Variants in PDE10A observed in about 807,000 individuals in gnomAD.
PDE10A encodes cAMP and cAMP-inhibited cGMP 3',5'-cyclic phosphodiesterase 10A.
PDE10A carries 39 observed loss-of-function variants against 97.7 expected under a neutral mutation model. That is an observed-to-expected ratio of 0.40 (90% CI 0.31 to 0.52). The LOEUF (loss-of-function observed/expected upper bound fraction) is 0.52, where lower values mean the gene tolerates loss of function less well. Among genes scored for constraint, PDE10A ranks in the 20% least tolerant of loss-of-function variants. PDE10A has a pLI of 0.56. For missense variants in PDE10A, 731 were observed against 1,047.8 expected (o/e 0.70, Z 4.17); for synonymous variants, 371 against 376.8 (o/e 0.98, Z 0.18).
chr6:165,878,678 C>T (rs77684342), intron 1 of PDE10A, among the ~76,000 whole-genome samples: 30 of 152,312 alleles, frequency 2.0e-4, no homozygotes, highest in African/African-American at 4.8e-4. Flanking sequence ...CACAGCAGAA[C>T]AGGAACATTG....
intron 1 of PDE10A, among the ~76,000 whole-genome samples, chr6:165,895,057 C>G (rs1308053025): frequency 6.6e-6 from 1 of 152,218 alleles, no homozygotes; most frequent in Non-Finnish European, 1.5e-5. Context: ...GCTACTCAGC[C>G]TGGCTCAGTA....
rs556965539 is a variant in PDE10A, at chr6:165,789,320, G to A, written c.-615+198209C>T. Among the ~76,000 whole-genome samples, 14 of 152,328 alleles carry A rather than the reference G, an allele frequency of 9.2e-5. No homozygotes were observed. The South Asian group carries it at 2.9e-3, about 32-fold the overall frequency. ...GTACAAACATATTAGAACTTCACAA[G>A]TCTTAAACTTTGCCAGAGATGGCCA... On this transcript the variant is annotated intron_variant, in intron 1 of 19. Transcript: ENST00000366882.
intron 1 of PDE10A, among the ~76,000 whole-genome samples, chr6:165,921,060 G>T (rs974225537): frequency 5.3e-5 from 8 of 152,196 alleles, no homozygotes; most frequent in Admixed American, 1.3e-4. Flanking sequence ...GGAGGAGCTG[G>T]TTGAGGGATG....
At chr6:165,600,878 C>A (rs1318814387) in intron 1 of PDE10A, among the ~76,000 whole-genome samples, 3 of 152,166 alleles carry the variant, frequency 2.0e-5, no homozygotes, top group African/African-American at 7.2e-5. Context: ...TGCACTCTTC[C>A]CTCCATTCCT....
chr6:165,864,612 G>A (rs531921584), intron 1 of PDE10A, among the ~76,000 whole-genome samples: 3 of 152,272 alleles, frequency 2.0e-5, no homozygotes, highest in Non-Finnish European at 4.4e-5. Context: ...ATCATATGTG[G>A]CTAGTGGGAG....
intron 2 of PDE10A, among the ~76,000 whole-genome samples, chr6:165,486,273 A>G (rs1779912630): frequency 6.6e-6 from 1 of 152,220 alleles, no homozygotes; most frequent in Admixed American, 6.5e-5. Context: ...CTGCAGAACT[A>G]TTCTAGTCTG....
chr6:165,704,089 C>T (rs768968910), intron 1 of PDE10A, among the ~76,000 whole-genome samples: 5 of 152,226 alleles, frequency 3.3e-5, no homozygotes, highest in Non-Finnish European at 5.9e-5. Context: ...CCACGTACAA[C>T]AGTATGTTGT....
intron 1 of PDE10A, among the ~76,000 whole-genome samples, chr6:165,841,504 C>T (rs1319769151): frequency 3.9e-5 from 6 of 152,248 alleles, no homozygotes; most frequent in African/African-American, 1.4e-4. Context: ...GAGCAGTGGG[C>T]GCTTAACGTT....
chr6:165,734,068 A>G (rs921422994), intron 1 of PDE10A, among the ~76,000 whole-genome samples: 6 of 152,222 alleles, frequency 3.9e-5, no homozygotes, highest in Non-Finnish European at 5.9e-5. Flanking sequence ...GAAGGGCTCC[A>G]TTCCCCAGGA....
intron 1 of PDE10A, among the ~76,000 whole-genome samples, chr6:165,897,569 C>A (rs2500475): frequency 0.051 from 7,803 of 151,898 alleles, 228 homozygotes; most frequent in Middle Eastern, 0.058. Context: ...GTGCTGATCT[C>A]GGCAGGAACT....
chr6:165,691,201 C>CA (rs1491589495), intron 1 of PDE10A, among the ~76,000 whole-genome samples: 2,330 of 23,934 alleles, frequency 0.097, 111 homozygotes, highest in African/African-American at 0.17. Context: ...CTCTCTCTCT[C>CA]CCCACACACA....
chr6:165,371,952 T>C (rs1733679868), intron 18 of PDE10A, among the ~76,000 whole-genome samples: 1 of 151,610 alleles, frequency 6.6e-6, no homozygotes, highest in South Asian at 2.1e-4. Context: ...TAATCCAGCA[T>C]ATAAACAGAA....
At chr6:165,658,983 T>A (rs1790100155) in intron 1 of PDE10A, among the ~76,000 whole-genome samples, 1 of 152,208 alleles carries the variant, frequency 6.6e-6, no homozygotes, top group Admixed American at 6.5e-5. Context: ...AGCAGCTTCG[T>A]AGCTTCTACT....
intron 3 of PDE10A, among the ~76,000 whole-genome samples, chr6:165,474,308 A>G (rs1302289281): frequency 6.6e-6 from 1 of 152,166 alleles, no homozygotes; most frequent in East Asian, 1.9e-4. Flanking sequence ...AAAACAAACA[A>G]AAAAACCAAA....
chr6:165,867,675 T>C (rs1781096784), intron 1 of PDE10A, among the ~76,000 whole-genome samples: 1 of 151,926 alleles, frequency 6.6e-6, no homozygotes, highest in South Asian at 2.1e-4. Flanking sequence ...AGAATAAATA[T>C]ACCTAACAGA....
chr6:165,396,672 C>T (rs980877974), intron 13 of PDE10A, among the ~76,000 whole-genome samples: 2 of 152,138 alleles, frequency 1.3e-5, no homozygotes, highest in African/African-American at 4.8e-5. Context: ...GGTATCTCTG[C>T]TTTACAAATT....
At chr6:165,808,333 C>G (rs1779192037) in intron 1 of PDE10A, among the ~76,000 whole-genome samples, 1 of 152,210 alleles carries the variant, frequency 6.6e-6, no homozygotes, top group Non-Finnish European at 1.5e-5. Context: ...ATCTGCTGAA[C>G]TGGCTCTGTG....
chr6:165,965,219 GC>G (rs1204480215), intron 1 of PDE10A, among the ~76,000 whole-genome samples: 9 of 152,192 alleles, frequency 5.9e-5, no homozygotes, highest in Admixed American at 2.0e-4. Flanking sequence ...AGAGGTAGGT[GC>G]CCCGAGGAGA....
At chr6:165,430,134 A>C (rs1020919391) in intron 9 of PDE10A, among the ~76,000 whole-genome samples, 153 bp downstream of exon 9, 5 of 152,204 alleles carry the variant, frequency 3.3e-5, no homozygotes, top group Middle Eastern at 3.4e-3. Flanking sequence ...ATAACTCTAC[A>C]ATCCATAATA....
Sources: allele counts gnomAD v4.1 joint callset (sites outside exome capture counted in the v4.1 genomes callset), GRCh38; gene constraint gnomAD v4.1.1; transcripts MANE v1.5; gene names NCBI Gene and HGNC (gene_info 2026-07-23, HGNC 2026-07-21).